SDK1: variants seen among roughly 807,000 people sequenced by gnomAD.
The protein encoded by SDK1 is protein sidekick-1.
Under a neutral mutation model 245.5 loss-of-function variants are expected in SDK1, and 157 were observed. That is an observed-to-expected ratio of 0.64 (90% CI 0.56 to 0.73). SDK1 has a LOEUF of 0.73. Ranked by LOEUF, SDK1 falls within the 30% of genes least tolerant of loss-of-function variation. SDK1 has a pLI of 0.00. For missense variants in SDK1, 3,583 were observed against 3,002.3 expected (o/e 1.19, Z -4.52); for synonymous variants, 1,647 against 1,278.5 (o/e 1.29, Z -6.15).
At chr7:3,469,874 C>G (rs1162839563) in intron 1 of SDK1, among the ~76,000 whole-genome samples, 1 of 152,144 alleles carries the variant, frequency 6.6e-6, no homozygotes, top group Non-Finnish European at 1.5e-5. Flanking sequence ...TAAAGTGTTT[C>G]TCTGAATTAA....
intron 22 of SDK1, among the ~76,000 whole-genome samples, chr7:4,103,324 A>G (rs1476559041): frequency 6.6e-6 from 1 of 152,132 alleles, no homozygotes; most frequent in Non-Finnish European, 1.5e-5. Flanking sequence ...GATTTGTTTT[A>G]TCTTTAAAGA....
At position 3,655,485 on chromosome 7, in the gene SDK1, A is replaced by G. The variant is rs866639246; in HGVS notation, c.713+13380A>G. 9.4e-3 allele frequency among the ~76,000 whole-genome samples: 636 copies of G among 67,794 alleles called. 35 individuals are homozygous for G. The highest frequency in any genetic ancestry group is 0.028 in the African/African-American group (585 of 21,164). The allele number at this position is 67,794 out of a possible 152,430, so 44.5% of individuals were successfully genotyped here. On this transcript the variant is annotated intron_variant, in intron 4 of 44. Transcript: ENST00000404826. ...TATATATATATATATATATATATATATATATATATATATATATATGTATGT... is the reference window on the plus strand; with the variant it reads ...TATATATATATATATATATATATATGTATATATATATATATATATGTATGT...
At chr7:3,556,320 G>C (rs957194627) in intron 1 of SDK1, among the ~76,000 whole-genome samples, 1 of 152,160 alleles carries the variant, frequency 6.6e-6, no homozygotes. Context: ...AACTTCATGT[G>C]TTCTCAGTCA....
chr7:3,534,779 CCTTT>C (rs1778826381), intron 1 of SDK1, among the ~76,000 whole-genome samples: 1 of 152,202 alleles, frequency 6.6e-6, no homozygotes, highest in African/African-American at 2.4e-5. Context: ...AAATCATTTT[CCTTT>C]CTAACAGAAA....
At chr7:3,466,981 C>T (rs59311191) in intron 1 of SDK1, among the ~76,000 whole-genome samples, 2,400 of 27,984 alleles carry the variant, frequency 0.086, 15 homozygotes, top group Middle Eastern at 0.21. Flanking sequence ...TCTCTCTCTA[C>T]ACACACACAC....
chr7:4,267,225 C>T lies in SDK1; in HGVS notation c.*1841C>T. The stretch of plus-strand genomic sequence containing the variant: ...TCCTTTACCCCTCCTTTCCTTCCTT[C>T]CTCCCTTCCTCTCTTCTTTCCTCCC... On this transcript the variant is annotated 3_prime_UTR_variant, in exon 45 of 45. Transcript: ENST00000404826. The T allele has an allele frequency of 1.1e-6, 1 of 871,678 alleles. No individual in the cohort carries two copies. Among genetic ancestry groups the T allele is most frequent in the Non-Finnish European group, 1.4e-6 (1 of 726,762 alleles). 54.0% of individuals were successfully genotyped at this position (871,678 alleles called of 1,614,324 possible). A position where few individuals can be genotyped will look rare whatever the true frequency, so the allele number is the denominator to read the frequency against.
rs567418596 is a variant in SDK1, at chr7:3,436,077, C to G, written c.298+134193C>G. Among the ~76,000 whole-genome samples the G allele has an allele frequency of 9.2e-5, 14 of 152,230 alleles. No homozygotes were observed. In the South Asian group the frequency reaches 2.9e-3, roughly 32 times the overall value. ...TAAAGAGTTTAAATCCATGATTGTT[C>G]AAAATAGGTTGTTTTATTTTCAATA... is the stretch of plus-strand genomic sequence containing the variant. On this transcript the variant is annotated intron_variant, in intron 1 of 44. Transcript: ENST00000404826.
At chr7:3,740,678 G>GCAA (rs1178108499) in intron 4 of SDK1, among the ~76,000 whole-genome samples, 11 of 152,100 alleles carry the variant, frequency 7.2e-5, no homozygotes, top group African/African-American at 2.4e-4. Flanking sequence ...TAGTGGAAGG[G>GCAA]GTATGGGAAT....
At chr7:4,176,203 C>T (rs574497401) in intron 34 of SDK1, among the ~76,000 whole-genome samples, 1 of 150,248 alleles carries the variant, frequency 6.7e-6, no homozygotes, top group Non-Finnish European at 1.5e-5. Flanking sequence ...CACTCTGTTG[C>T]CGAGGCTGGA....
chr7:3,696,572 T>TGTGTG (rs1554250321), intron 4 of SDK1, among the ~76,000 whole-genome samples: 4 of 147,906 alleles, frequency 2.7e-5, no homozygotes, highest in Non-Finnish European at 6.0e-5. Flanking sequence ...TTCTCTGTGT[T>TGTGTG]TGTGTGTGTG....
At chr7:3,923,241 C>G (rs1462177890) in intron 5 of SDK1, among the ~76,000 whole-genome samples, 2 of 151,712 alleles carry the variant, frequency 1.3e-5, no homozygotes, top group Non-Finnish European at 2.9e-5. Context: ...GGTGATATTT[C>G]TTTATGTTCT....
At chr7:3,582,000 C>T (rs1042456625) in intron 1 of SDK1, among the ~76,000 whole-genome samples, 2 of 152,148 alleles carry the variant, frequency 1.3e-5, no homozygotes, top group Non-Finnish European at 2.9e-5. Context: ...AGGGTGGAAG[C>T]CTCCCTCAGG....
intron 5 of SDK1, among the ~76,000 whole-genome samples, chr7:3,878,482 A>C (rs1781125958): frequency 1.3e-5 from 2 of 152,178 alleles, no homozygotes; most frequent in Admixed American, 6.5e-5. Flanking sequence ...GCACCACTGC[A>C]CTCCAGCCTG....
intron 1 of SDK1, among the ~76,000 whole-genome samples, chr7:3,360,576 A>G (rs1167297311): frequency 2.0e-5 from 3 of 152,174 alleles, no homozygotes; most frequent in African/African-American, 2.4e-5. Flanking sequence ...TTGCTGATGA[A>G]AGATACAAAT....
chr7:3,933,500 G>A (rs1780053786), intron 5 of SDK1, among the ~76,000 whole-genome samples: 1 of 152,120 alleles, frequency 6.6e-6, no homozygotes, highest in African/African-American at 2.4e-5. Flanking sequence ...AGCTTCAGTT[G>A]TTTACTGCTC....
At chr7:4,071,016 T>C (rs1210724712) in intron 20 of SDK1, among the ~76,000 whole-genome samples, 2 of 151,078 alleles carry the variant, frequency 1.3e-5, no homozygotes, top group African/African-American at 2.4e-5. Flanking sequence ...CTTTGTGGGG[T>C]TTTTAATTTT....
chr7:3,823,392 C>T (rs138541320), intron 5 of SDK1, among the ~76,000 whole-genome samples: 5 of 152,088 alleles, frequency 3.3e-5, no homozygotes, highest in Admixed American at 6.5e-5. Flanking sequence ...AGGAAGTTGG[C>T]CTTCCTCTGT....
intron 31 of SDK1, among the ~76,000 whole-genome samples, chr7:4,160,472 C>G (rs574525380): frequency 1.3e-5 from 2 of 152,162 alleles, no homozygotes; most frequent in African/African-American, 4.8e-5. Context: ...ATCGCCTTCC[C>G]TGGGATGTGC....
chr7:3,938,408 C>A (rs1007228341), intron 5 of SDK1, among the ~76,000 whole-genome samples: 2 of 151,936 alleles, frequency 1.3e-5, no homozygotes, highest in African/African-American at 4.8e-5. Flanking sequence ...TTTGGGAGGC[C>A]GAGGCGGGAG....
Sources: gnomAD v4.1 joint callset for allele counts (sites outside exome capture counted in the v4.1 genomes callset) on GRCh38, gnomAD v4.1.1 for gene constraint, MANE v1.5 for transcripts, NCBI Gene and HGNC (gene_info 2026-07-23, HGNC 2026-07-21) for gene names.